The following MICAL1 variants were observed in gnomAD, a reference collection of about 807,000 sequenced individuals.
MICAL1 encodes [F-actin]-monooxygenase MICAL1.
Under a neutral mutation model 131.8 loss-of-function variants are expected in MICAL1, and 95 were observed. The ratio of observed to expected loss-of-function variants is 0.72; its 90% CI spans 0.61 to 0.86. MICAL1 has a LOEUF of 0.86. Ranked by LOEUF, MICAL1 falls within the 40% of genes least tolerant of loss-of-function variation. The pLI, the probability that MICAL1 is intolerant of heterozygous loss-of-function variation, is 0.00. For synonymous variants in MICAL1, 546 were observed against 554.2 expected, an observed-to-expected ratio of 0.99 and a Z score of 0.21; for missense variants, 1,292 against 1,380.6, an observed-to-expected ratio of 0.94 and a Z score of 1.02.
chr6:109,454,830 G>C, intron 1 of MICAL1: 1 of 152,886 alleles, frequency 6.5e-6, no homozygotes, highest in East Asian at 1.9e-4. Context: ...CTCTGTCCGC[G>C]TAGGTTCCAC....
Position 109,455,095 on chromosome 6 carries a change from G to C in MICAL1, c.-44+624C>G, listed in dbSNP as rs1270407348. On this transcript the variant is annotated intron_variant, in intron 1 of 24. Coordinates refer to ENST00000358807, the MANE Select transcript of MICAL1 (RefSeq NM_022765.4). The surrounding 1 kb of genome is among the most constrained non-coding windows in gnomAD (Gnocchi z 4.7). ...GGGCGCGCTCTCCCAGGAATCTCCG[G>C]AGACAAAGCCTCGCTTTGTCGCCCC... Among the ~76,000 whole-genome samples the C allele has an allele frequency of 1.3e-5, 2 of 151,904 alleles. No homozygotes were observed. The highest frequency in any genetic ancestry group is 2.9e-5 in the Non-Finnish European group (2 of 67,932).
Position 109,446,142 on chromosome 6 carries a change from G to A in MICAL1, c.2575C>T (p.Pro859Ser), listed in dbSNP as rs1247347037. 1 of 1,544,504 alleles carries A rather than the reference G, an allele frequency of 6.5e-7. No individual in the cohort carries two copies. Among genetic ancestry groups the A allele is most frequent in the Non-Finnish European group, 8.7e-7 (1 of 1,150,204 alleles). The stretch of plus-strand genomic sequence containing the variant: ...ATCTGTGAGGATGGGTTACCTTGAG[G>A]GCTCTGGACTGGCAGGCCCCAGCCC... Reference protein sequence around the residue: ...FVGWGLPVQSPQALVAMEKEE... With the variant: ...FVGWGLPVQSSQALVAMEKEE... The change falls in exon 19 of 25, where the codon CCT becomes TCT. Residue 859 changes from proline to serine, a missense_variant. Transcript: ENST00000358807.
chr6:109,445,356 C>A, intron 21 of MICAL1, 60 bp downstream of exon 21: 2 of 1,612,818 alleles, frequency 1.2e-6, no homozygotes, highest in Non-Finnish European at 1.7e-6. Flanking sequence ...ACTGGAGGAA[C>A]TCTGATCTCA....
intron 1 of MICAL1, chr6:109,463,267 G>A (rs1237847241): frequency 6.6e-6 from 1 of 152,280 alleles, no homozygotes; most frequent in South Asian, 2.1e-4. Context: ...TTACAGGCAT[G>A]AGCCTCCACG....
At chr6:109,463,735 T>C (rs1775963956) in intron 1 of MICAL1, 1 of 152,224 alleles carries the variant, frequency 6.6e-6, no homozygotes, top group Admixed American at 6.5e-5. Context: ...AAGCTTAGTA[T>C]GAAAAAGAGA....
In MICAL1 at chr6:109,448,811, G is replaced by A; in HGVS notation, c.1585C>T (p.His529Tyr). The change falls in exon 12 of 25, where the codon CAC becomes TAC. Residue 529 changes from histidine to tyrosine, a missense_variant. Transcript: ENST00000358807. ...CAGGAGGAAGACAAATCGGAGACGT[G>A]GACTCCCGGGTACCCAGCTGTCTGC... The part of the protein sequence containing the change: ...QEQTAGYPGV[H>Y]VSDLSSSWAD... 1 of 1,614,046 alleles carries A rather than the reference G, an allele frequency of 6.2e-7. No individual in the cohort carries two copies. Among genetic ancestry groups the A allele is most frequent in the Non-Finnish European group, 8.5e-7 (1 of 1,179,996 alleles).
Position 109,451,131 on chromosome 6 carries a change from C to T in MICAL1, c.933+469G>A, listed in dbSNP as rs551621373. Among the ~76,000 whole-genome samples, 11 of 150,862 alleles carry T rather than the reference C, an allele frequency of 7.3e-5. No individual in the cohort carries two copies. The South Asian group carries it at 2.3e-3, about 32-fold the overall frequency. On this transcript the variant is annotated intron_variant, in intron 7 of 24. Transcript: ENST00000358807. ...TAGCCCAGAATATGATTCCTGCTGC[C>T]TTGTAAATCCCAGGGGAGAACTTTT...
intron 24 of MICAL1, 70 bp downstream of exon 24, chr6:109,444,655 G>T: frequency 6.5e-7 from 1 of 1,544,100 alleles, no homozygotes; most frequent in Non-Finnish European, 9.0e-7. Context: ...TGCTTGGTCA[G>T]TATCTGAGAT....
chr6:109,448,610 G>A (rs766644348), intron 12 of MICAL1, 122 bp downstream of exon 12: 54 of 1,418,182 alleles, frequency 3.8e-5, no homozygotes, highest in Non-Finnish European at 4.5e-5. Flanking sequence ...CTATCTGAAT[G>A]CATTAGAGTC....
intron 16 of MICAL1, 34 bp downstream of exon 16, chr6:109,447,323 G>C (rs114441641): frequency 6.2e-7 from 1 of 1,613,166 alleles, no homozygotes; most frequent in Non-Finnish European, 8.5e-7. Context: ...TGCCCTCCCC[G>C]GGCCTCTGCC....
At chr6:109,453,396 G>T in intron 3 of MICAL1, 29 bp from the exon 4 acceptor site, 1 of 1,605,028 alleles carries the variant, frequency 6.2e-7, no homozygotes, top group Non-Finnish European at 8.5e-7. Context: ...TAGGAACAGG[G>T]ACCCTAGGGC....
Position 109,444,617 on chromosome 6 carries a change from C to T in MICAL1, c.3055+108G>A. ...CCTCTGGCTTCCTCCTGAATTGTCT[C>T]AGAGGTACACAGACTAGAGCATCAT... On this transcript the variant is annotated intron_variant, in intron 24 of 24. Coordinates refer to ENST00000358807, the MANE Select transcript of MICAL1 (RefSeq NM_022765.4). The T allele has an allele frequency of 6.6e-6, 9 of 1,360,234 alleles. No homozygotes were observed. In the South Asian group the frequency reaches 1.1e-4, roughly 16 times the overall value. 84.3% of individuals were successfully genotyped at this position (1,360,234 alleles called of 1,614,324 possible).
At chr6:109,465,958 T>C (rs376297475) in exon 1 of MICAL1, 5 of 1,614,108 alleles carry the variant, frequency 3.1e-6, no homozygotes, top group African/African-American at 1.3e-5. Flanking sequence ...TCTGAAGTAC[T>C]TGTAGCTAAA....
intron 12 of MICAL1, 43 bp from the exon 13 acceptor site, chr6:109,448,436 T>G (rs756191885): frequency 5.9e-5 from 95 of 1,602,294 alleles, no homozygotes; most frequent in Non-Finnish European, 8.0e-5. Context: ...GACAAGAACC[T>G]AGCCCCACTG....
In MICAL1 at chr6:109,446,428, T is replaced by TATGGTCTGGTCAGTGACCTGCCCAGG. The variant is rs1554225152; in HGVS notation, c.2305-17_2305-16insCCTGGGCAGGTCACTGACCAGACCAT. ...TGGGGAGCTCCTGGAAAAGCCACCA[T>TATGGTCTGGTCAGTGACCTGCCCAGG]GTGGAGTGAGGTCGGGGGGTGAGGC... On this transcript the variant is annotated splice_polypyrimidine_tract_variant and intron_variant, in intron 18 of 24. Coordinates refer to ENST00000358807, the MANE Select transcript of MICAL1 (RefSeq NM_022765.4). 1 of 1,611,196 alleles carries TATGGTCTGGTCAGTGACCTGCCCAGG rather than the reference T, an allele frequency of 6.2e-7. No homozygotes were observed. The highest frequency in any genetic ancestry group is 1.3e-5 in the African/African-American group (1 of 74,686).
chr6:109,446,213 C>T lies in MICAL1; in HGVS notation c.2504G>A (p.Arg835His), dbSNP rs762596485. 3.7e-6 allele frequency: 6 copies of T among 1,601,436 alleles called. No individual in the cohort carries two copies. The highest frequency in any genetic ancestry group is 5.1e-6 in the Non-Finnish European group (6 of 1,174,746). ...PEMEPPPKPP[R>H]SCSALARHAL... The stretch of plus-strand genomic sequence containing the variant: ...GTGGCGGGCCAAGGCGGAGCAGCTG[C>T]GGGGAGGCTTGGGTGGAGGCTCCAT... Residue 835 changes from arginine to histidine, a missense_variant, in exon 19 of 25, where the codon CGC (arginine) becomes CAC (histidine). Physicochemically the swap from Arg to His is conservative, Grantham distance 29. Transcript: ENST00000358807.
In MICAL1 at chr6:109,453,642, G is replaced by A. The variant is rs1401719033; in HGVS notation, c.462C>T (p.His154=). Residue 154 remains histidine (H), a synonymous_variant, in exon 3 of 25, where the codon CAC becomes CAT. Coordinates refer to ENST00000358807, the MANE Select transcript of MICAL1 (RefSeq NM_022765.4). ...AGGCCACCACGTGGTGCTCACTGAT[G>A]TGGTCCAGGGTGCCGGTGCAGAAGC... ...YGRFCTGTLD[H]ISIRQLQLLL... is the part of the protein sequence containing the mutation. The A allele has an allele frequency of 6.3e-7, 1 of 1,598,690 alleles. No homozygotes were observed. The highest frequency in any genetic ancestry group is 1.1e-5 in the South Asian group (1 of 89,546).
chr6:109,444,429 A>C lies in MICAL1; in HGVS notation c.3056-90T>G. 1.9e-6 allele frequency: 3 copies of C among 1,565,010 alleles called. No homozygotes were observed. The Admixed American group carries it at 5.7e-5, about 30-fold the overall frequency. On this transcript the variant is annotated intron_variant, in intron 24 of 24. Transcript: ENST00000358807. ...TAATCCCAGCCTATGTGATTTCTATAACCCGGGCTTTGTTTCCTAAGCTGC... is the reference window on the plus strand; with the variant it reads ...TAATCCCAGCCTATGTGATTTCTATCACCCGGGCTTTGTTTCCTAAGCTGC...
In MICAL1 at chr6:109,453,316, AC is replaced by A. The variant is rs1562293189; in HGVS notation, c.517del (p.Val173TrpfsTer73). On this transcript the variant is annotated frameshift_variant, in exon 4 of 25. Coordinates refer to ENST00000358807, the MANE Select transcript of MICAL1 (RefSeq NM_022765.4). LOFTEE classifies it high-confidence loss of function. ...LLLKVALLLG[V>X]EIHWGVTFTG... is the part of the protein sequence containing the mutation. ...GAAAGTGACACCCCAGTGAATTTCC[AC>A]CCCCAGCAGCAATGCTACCTTCAGC... 6.2e-7 allele frequency: 1 copy of A among 1,613,946 alleles called. No individual in the cohort carries two copies. Among genetic ancestry groups the A allele is most frequent in the East Asian group, 2.2e-5 (1 of 44,878 alleles).
Sources: gnomAD v4.1 joint callset for allele counts (sites outside exome capture counted in the v4.1 genomes callset) on GRCh38, gnomAD v4.1.1 for gene constraint, Gnocchi (gnomAD v3.1) non-coding constraint, MANE v1.5 for transcripts, NCBI Gene and HGNC (gene_info 2026-07-23, HGNC 2026-07-21) for gene names.